ROBO2: variants seen among roughly 807,000 people sequenced by gnomAD.
ROBO2 encodes the protein roundabout guidance receptor 2.
In ROBO2, 53 loss-of-function variants were observed where a neutral mutation model predicts 160.8. The observed-to-expected ratio is 0.33, with a 90% CI of 0.26 to 0.41. ROBO2 has a LOEUF of 0.41. Ranked by LOEUF, ROBO2 falls within the 10% of genes least tolerant of loss-of-function variation. The pLI is 1.00. For synonymous variants in ROBO2, 664 were observed against 611.7 expected, an observed-to-expected ratio of 1.09 and a Z score of -1.26; for missense variants, 1,577 against 1,722.4, an observed-to-expected ratio of 0.92 and a Z score of 1.49.
rs186815525 is a variant in ROBO2 at position 77,433,987 on chromosome 3, G to A, written c.389-43427G>A. Among the ~76,000 whole-genome samples, 138 of 152,060 alleles carry A rather than the reference G, an allele frequency of 9.1e-4. 3 individuals are homozygous for A. The East Asian group carries it at 0.025, about 27-fold the overall frequency. ...GTCAAAGCAGCCGCATTTCTCCCTC[G>A]GAGTAGGAAACAGCTTGTTAGCTAG... is the stretch of plus-strand genomic sequence containing the variant. On this transcript the variant is annotated intron_variant, in intron 2 of 25. Transcript: ENST00000461745.
intron 2 of ROBO2, among the ~76,000 whole-genome samples, chr3:76,640,590 C>CGTGTGTGT (rs1560287561): frequency 2.6e-5 from 1 of 38,476 alleles, no homozygotes; most frequent in African/African-American, 7.1e-5. Context: ...TGCGTGTTTG[C>CGTGTGTGT]GTGTGAGTGT....
intron 2 of ROBO2, among the ~76,000 whole-genome samples, chr3:76,639,491 T>C (rs80192771): frequency 2.0e-5 from 3 of 148,254 alleles, no homozygotes; most frequent in African/African-American, 5.2e-5. Flanking sequence ...CACACACACA[T>C]ATCCCCAAAC....
rs532227670 is a variant in ROBO2 at position 76,938,661 on chromosome 3, G to GTC, written c.110-159353_110-159352insTC. Among the ~76,000 whole-genome samples, 1,103 of 151,974 alleles carry GTC rather than the reference G, an allele frequency of 7.3e-3. 14 individuals carry two copies. The highest frequency in any genetic ancestry group is 0.026 in the African/African-American group (1,058 of 41,458). On this transcript the variant is annotated intron_variant, in intron 2 of 26. Coordinates refer to the ROBO2 transcript ENST00000487694. ...TTGGATCTATGGAGCTCAATCAGTGGACATCTCTGCACAAAAAAGCAGCCC... is the reference window on the plus strand; with the variant it reads ...TTGGATCTATGGAGCTCAATCAGTGGTCACATCTCTGCACAAAAAAGCAGCCC...
chr3:75,936,132 T>G (rs1947770280), intron 1 of ROBO2, among the ~76,000 whole-genome samples: 1 of 152,182 alleles, frequency 6.6e-6, no homozygotes, highest in Non-Finnish European at 1.5e-5. Context: ...GAAATGTCAT[T>G]GTAACCTTCT....
At chr3:77,312,054 C>T (rs1335304917) in intron 2 of ROBO2, among the ~76,000 whole-genome samples, 3 of 151,952 alleles carry the variant, frequency 2.0e-5, no homozygotes, top group African/African-American at 7.3e-5. Context: ...CCATTGCACT[C>T]CAGCCTCGGC....
intron 2 of ROBO2, among the ~76,000 whole-genome samples, chr3:76,690,806 G>A (rs528163406): frequency 6.4e-4 from 98 of 152,108 alleles, no homozygotes; most frequent in Admixed American, 4.7e-3. Flanking sequence ...ATTAATAAGC[G>A]TATCTGTGAA....
At position 77,277,157 on chromosome 3, in the gene ROBO2, C is replaced by CTTCTTTCTTTCTTTCTTTCTTTCT. The variant is rs758551962; in HGVS notation, c.388+178851_388+178874dup. On this transcript the variant is annotated intron_variant, in intron 2 of 25. Coordinates refer to ENST00000461745, the Ensembl canonical transcript of ROBO2. ...CCTTTCTTCCTTCTTTCCTTCTTTC[C>CTTCTTTCTTTCTTTCTTTCTTTCT]TTCTTTCTTTCTTTCTTTCTTTCTT... is the stretch of plus-strand genomic sequence containing the variant. 4.2e-4 allele frequency among the ~76,000 whole-genome samples: 37 copies of CTTCTTTCTTTCTTTCTTTCTTTCT among 88,212 alleles called. 1 individual carries two copies. The highest frequency in any genetic ancestry group is 1.7e-3 in the Admixed American group (14 of 8,250). The allele number at this position is 88,212 out of a possible 152,430, so 57.9% of individuals were successfully genotyped here. A position where few individuals can be genotyped will look rare whatever the true frequency, so the allele number is the denominator to read the frequency against.
chr3:76,445,209 A>G (rs888433366), intron 2 of ROBO2, among the ~76,000 whole-genome samples: 7 of 152,170 alleles, frequency 4.6e-5, no homozygotes, highest in Admixed American at 4.6e-4. Context: ...TTCAAAATTA[A>G]CTTTCTGAAA....
chr3:77,623,749 T>A (rs1055738936), intron 23 of ROBO2, among the ~76,000 whole-genome samples: 1 of 152,162 alleles, frequency 6.6e-6, no homozygotes, highest in African/African-American at 2.4e-5. Context: ...TCCAGCATAA[T>A]CTCCTTCAGG....
chr3:76,626,898 G>T (rs902792889), intron 2 of ROBO2, among the ~76,000 whole-genome samples: 3 of 152,088 alleles, frequency 2.0e-5, no homozygotes, highest in Admixed American at 6.6e-5. Flanking sequence ...CACCATTTTC[G>T]CCAGGATGGT....
At chr3:77,016,291 T>TACGACTGAGTTTCAGAGTTTTGC (rs567800989) in intron 2 of ROBO2, among the ~76,000 whole-genome samples, 392 of 152,284 alleles carry the variant, frequency 2.6e-3, no homozygotes, top group Non-Finnish European at 3.8e-3. Context: ...TGTTATTTTG[T>TACGACTGAGTTTCAGAGTTTTGC]ACGACTGAGT....
chr3:76,600,566 A>G (rs2087062390), intron 2 of ROBO2, among the ~76,000 whole-genome samples: 1 of 152,178 alleles, frequency 6.6e-6, no homozygotes, highest in Admixed American at 6.5e-5. Flanking sequence ...AACCAAGTGA[A>G]GTGGGTTTCC....
intron 2 of ROBO2, among the ~76,000 whole-genome samples, chr3:76,643,589 A>G (rs1472392212): frequency 6.6e-6 from 1 of 152,190 alleles, no homozygotes; most frequent in Non-Finnish European, 1.5e-5. Flanking sequence ...CTAACCAGGA[A>G]AAAGGAGGAT....
chr3:76,820,030 G>C (rs558684847), intron 2 of ROBO2, among the ~76,000 whole-genome samples: 3 of 152,172 alleles, frequency 2.0e-5, no homozygotes, highest in Admixed American at 2.0e-4. Context: ...TGCTCCACCA[G>C]GTAAATCATG....
chr3:76,414,104 C>T (rs2075635362), intron 2 of ROBO2, among the ~76,000 whole-genome samples: 1 of 151,996 alleles, frequency 6.6e-6, no homozygotes, highest in African/African-American at 2.4e-5. Flanking sequence ...TATTCACTAT[C>T]TTAAGAATAG....
At chr3:77,040,677 T>G in exon 1 of ROBO2, 1 of 1,598,802 alleles carries the variant, frequency 6.3e-7, no homozygotes, top group South Asian at 1.1e-5. Context: ...AATTAGTATC[T>G]AGGAAAGTCT....
chr3:76,655,074 C>T (rs58591761), intron 2 of ROBO2, among the ~76,000 whole-genome samples: 12,418 of 150,716 alleles, frequency 0.082, 1,580 homozygotes, highest in African/African-American at 0.28. Flanking sequence ...GTTGAAAAAG[C>T]GGGGTTACAA....
chr3:77,634,930 A>G, exon 24 of ROBO2: 2 of 1,614,154 alleles, frequency 1.2e-6, no homozygotes, highest in Non-Finnish European at 1.7e-6. Flanking sequence ...ACTGACAGTA[A>G]CACCAGTGCA....
chr3:76,797,282 A>C (rs1287028139), intron 2 of ROBO2, among the ~76,000 whole-genome samples: 1 of 152,162 alleles, frequency 6.6e-6, no homozygotes, highest in Non-Finnish European at 1.5e-5. Flanking sequence ...ATTGGAAATC[A>C]ATAACAAGAA....
Sources: allele counts gnomAD v4.1 joint callset (sites outside exome capture counted in the v4.1 genomes callset), GRCh38; gene constraint gnomAD v4.1.1; transcripts MANE v1.5; gene names NCBI Gene and HGNC (gene_info 2026-07-23, HGNC 2026-07-21).